Variants in SORCS3 observed in about 807,000 individuals in gnomAD.
SORCS3 encodes sortilin related VPS10 domain containing receptor 3.
SORCS3 carries 57 observed loss-of-function variants against 146.3 expected under a neutral mutation model. The observed-to-expected ratio is 0.39, with a 90% CI of 0.31 to 0.49. The LOEUF (loss-of-function observed/expected upper bound fraction) is 0.49, where lower values mean the gene tolerates loss of function less well. Among genes scored for constraint, SORCS3 ranks in the 20% least tolerant of loss-of-function variants. The pLI is 0.92. For synonymous variants in SORCS3, 653 were observed against 618.5 expected (o/e 1.06, Z -0.83); for missense variants, 1,341 against 1,575.5 (o/e 0.85, Z 2.52).
chr10:104,696,251 ATATG>A (rs1161821523), intron 1 of SORCS3, among the ~76,000 whole-genome samples: 3 of 125,118 alleles, frequency 2.4e-5, no homozygotes, highest in African/African-American at 9.4e-5. Context: ...CACATATGAT[ATATG>A]ATATATATCA....
At chr10:105,092,597 G>A (rs1445171282) in intron 6 of SORCS3, among the ~76,000 whole-genome samples, 1 of 122,302 alleles carries the variant, frequency 8.2e-6, no homozygotes, top group Non-Finnish European at 1.8e-5. Context: ...CCTCACACTT[G>A]TGCATTCACA....
chr10:105,143,562 G>T (rs1293579782), intron 8 of SORCS3, among the ~76,000 whole-genome samples: 2 of 151,994 alleles, frequency 1.3e-5, no homozygotes, highest in Non-Finnish European at 2.9e-5. Flanking sequence ...TACTCCATTT[G>T]TTTCTTCAAT....
chr10:104,981,036 G>GT (rs1017549147), intron 4 of SORCS3, among the ~76,000 whole-genome samples: 3 of 150,600 alleles, frequency 2.0e-5, no homozygotes, highest in Admixed American at 6.6e-5. Context: ...CTGCAAAGGG[G>GT]TGGGGGGCAG....
In SORCS3 at chr10:104,977,320, C is replaced by G. The variant is rs2133650050; in HGVS notation, c.796-15C>G. 6.2e-7 allele frequency: 1 copy of G among 1,603,926 alleles called. No homozygotes were observed. Among genetic ancestry groups the G allele is most frequent in the Non-Finnish European group, 8.5e-7 (1 of 1,175,230 alleles). On this transcript the variant is annotated splice_polypyrimidine_tract_variant and intron_variant, in intron 3 of 26. Transcript: ENST00000369701. ...ACTAACTCTGTCTGTATATGTCCCT[C>G]TATCCTTTCTTTAGATTATGCTTCT...
intron 3 of SORCS3, among the ~76,000 whole-genome samples, chr10:104,973,747 A>G (rs7906899): frequency 0.33 from 45,926 of 140,684 alleles, 11,705 homozygotes; most frequent in African/African-American, 0.74. Flanking sequence ...GCTTTTGAAT[A>G]TGTTTGCTCT....
At chr10:104,746,899 G>A (rs1391247778) in intron 1 of SORCS3, among the ~76,000 whole-genome samples, 1 of 152,182 alleles carries the variant, frequency 6.6e-6, no homozygotes, top group Admixed American at 6.5e-5. Context: ...CTATGTCCTG[G>A]CATCTAATTT....
At chr10:105,099,132 T>TA (rs2055766285) in intron 6 of SORCS3, among the ~76,000 whole-genome samples, 1 of 152,208 alleles carries the variant, frequency 6.6e-6, no homozygotes, top group Non-Finnish European at 1.5e-5. Context: ...ACAGATAGGT[T>TA]AGTTGCACTC....
intron 20 of SORCS3, among the ~76,000 whole-genome samples, chr10:105,242,821 ATATATAAATTATATATATATT>A: frequency 1.6e-5 from 1 of 61,050 alleles, no homozygotes; most frequent in Non-Finnish European, 3.1e-5. Flanking sequence ...ATATATTTTT[ATATATAAATTATATATATATT>A]TTTATATATA....
Position 104,641,310 on chromosome 10 carries a change from C to T in SORCS3, c.-18C>T. 7.8e-7 allele frequency: 1 copy of T among 1,279,544 alleles called. No individual in the cohort carries two copies. The highest frequency in any genetic ancestry group is 2.5e-5 in the South Asian group (1 of 39,568). The allele number at this position is 1,279,544 out of a possible 1,614,324, so 79.3% of individuals were successfully genotyped here. A position where few individuals can be genotyped will look rare whatever the true frequency, so the allele number is the denominator to read the frequency against. On this transcript the variant is annotated 5_prime_UTR_variant, in exon 1 of 27. Coordinates refer to ENST00000369701, the MANE Select transcript of SORCS3 (RefSeq NM_014978.3). This position sits in a 1 kb window ranked among gnomAD's most constrained non-coding sequence, Gnocchi z 6.4. ...GCGCCACACACTCGGCAGCCCGAGCCGCGGTAGCCGCAGCGGGATGGAGGC... is the reference window on the plus strand; with the variant it reads ...GCGCCACACACTCGGCAGCCCGAGCTGCGGTAGCCGCAGCGGGATGGAGGC...
At chr10:104,730,182 C>A (rs1029858829) in intron 1 of SORCS3, among the ~76,000 whole-genome samples, 5 of 152,140 alleles carry the variant, frequency 3.3e-5, no homozygotes, top group Non-Finnish European at 7.4e-5. Context: ...ATATACTCTG[C>A]CAGACATTAT....
intron 16 of SORCS3, among the ~76,000 whole-genome samples, chr10:105,207,341 AG>A (rs1257541964): frequency 1.3e-5 from 2 of 150,044 alleles, no homozygotes; most frequent in African/African-American, 4.9e-5. Flanking sequence ...TTAGAATCTA[AG>A]CCTTTTCCCT....
intron 2 of SORCS3, among the ~76,000 whole-genome samples, chr10:104,909,264 C>T (rs2018941139): frequency 1.3e-5 from 2 of 152,206 alleles, no homozygotes; most frequent in South Asian, 4.1e-4. Context: ...GTTTGCCAAC[C>T]TGAGCTAGAG....
At chr10:105,196,304 T>C (rs2056543850) in intron 14 of SORCS3, among the ~76,000 whole-genome samples, 1 of 152,198 alleles carries the variant, frequency 6.6e-6, no homozygotes, top group Admixed American at 6.5e-5. Context: ...CCTTTGTCTG[T>C]TAGAAAGTTC....
At chr10:104,683,002 C>G (rs1015756393) in intron 1 of SORCS3, among the ~76,000 whole-genome samples, 1 of 152,170 alleles carries the variant, frequency 6.6e-6, no homozygotes, top group African/African-American at 2.4e-5. Context: ...TGGCTTTTAG[C>G]CAGTACTCTG....
Position 104,977,439 on chromosome 10 carries a change from G to A in SORCS3, c.900G>A (p.Leu300=). ...KYRLTFYIQS[L]LFHPKQEDWV... ...GGCTCACCTTCTATATCCAGAGCCT[G>A]CTCTTTCATCCCAAGCAAGAGGACT... Residue 300 remains leucine, a synonymous_variant, in exon 4 of 27, where the codon CTG becomes CTA. Coordinates refer to ENST00000369701, the MANE Select transcript of SORCS3 (RefSeq NM_014978.3). The A allele has an allele frequency of 1.9e-6, 3 of 1,613,550 alleles. No individual in the cohort carries two copies. The East Asian group carries it at 6.7e-5, about 36-fold the overall frequency.
Position 104,931,009 on chromosome 10 carries a change from A to G in SORCS3, c.795+15077A>G, listed in dbSNP as rs562613064. On this transcript the variant is annotated intron_variant, in intron 3 of 26. Coordinates refer to ENST00000369701, the MANE Select transcript of SORCS3 (RefSeq NM_014978.3). ...AATGGGCCCTTGAAAACAGGGGATA[A>G]TTCCATGTTTGATCTACCCATTTAT... Among the ~76,000 whole-genome samples the G allele has an allele frequency of 3.9e-5, 6 of 152,262 alleles. No homozygotes were observed. The South Asian group carries it at 1.2e-3, about 32-fold the overall frequency.
intron 1 of SORCS3, among the ~76,000 whole-genome samples, chr10:104,645,243 TG>T (rs1478361153): frequency 1.3e-5 from 2 of 152,216 alleles, no homozygotes; most frequent in African/African-American, 4.8e-5. Flanking sequence ...GCTGGAATCC[TG>T]GTGATTAATG....
intron 1 of SORCS3, among the ~76,000 whole-genome samples, chr10:104,794,656 AGAG>A (rs1422779727): frequency 9.4e-5 from 14 of 148,556 alleles, no homozygotes; most frequent in South Asian, 2.2e-4. Context: ...AGAGAGAGAG[AGAG>A]AATATTATCC....
At chr10:105,174,835 C>G (rs1217661725) in intron 13 of SORCS3, among the ~76,000 whole-genome samples, 1 of 152,154 alleles carries the variant, frequency 6.6e-6, no homozygotes. Context: ...CTCTCCCCAT[C>G]TGGACTTAGC....
Sources: allele counts gnomAD v4.1 joint callset (sites outside exome capture counted in the v4.1 genomes callset), GRCh38; gene constraint gnomAD v4.1.1; non-coding constraint Gnocchi (gnomAD v3.1); transcripts MANE v1.5; gene names NCBI Gene and HGNC (gene_info 2026-07-23, HGNC 2026-07-21).